ST6GALNAC3: variants seen among roughly 807,000 people sequenced by gnomAD.
ST6GALNAC3 encodes alpha-N-acetylgalactosaminide alpha-2,6-sialyltransferase 3.
A neutral mutation model predicts 32.7 loss-of-function variants in ST6GALNAC3; 25 were observed. The observed-to-expected ratio is 0.76, with a 90% confidence interval of 0.56 to 1.07. The LOEUF is 1.07. ST6GALNAC3 is among the 50% of genes least tolerant of loss of function. The pLI, the probability that ST6GALNAC3 is intolerant of heterozygous loss-of-function variation, is 0.00. For missense variants in ST6GALNAC3, 355 were observed against 382.4 expected (o/e 0.93, Z 0.60); for synonymous variants, 129 against 133.1 (o/e 0.97, Z 0.21).
At chr1:76,198,821 T>G (rs1352109219) in intron 1 of ST6GALNAC3, among the ~76,000 whole-genome samples, 1 of 152,152 alleles carries the variant, frequency 6.6e-6, no homozygotes, top group Non-Finnish European at 1.5e-5. Context: ...GAGTTCGGTT[T>G]CTGGAACTTA....
chr1:76,412,961 T>TC (rs1245169826), intron 3 of ST6GALNAC3: 1 of 348,108 alleles, frequency 2.9e-6, no homozygotes, highest in East Asian at 1.1e-4. Flanking sequence ...AAATTATACG[T>TC]CCCTTAAAAT....
At chr1:76,287,861 TG>T (rs1255276113) in intron 1 of ST6GALNAC3, among the ~76,000 whole-genome samples, 2 of 152,212 alleles carry the variant, frequency 1.3e-5, no homozygotes, top group African/African-American at 4.8e-5. Context: ...ACATTTAATT[TG>T]GGGTGAGAAT....
intron 3 of ST6GALNAC3, among the ~76,000 whole-genome samples, chr1:76,422,260 T>C (rs1477773317): frequency 6.6e-6 from 1 of 151,858 alleles, no homozygotes; most frequent in Non-Finnish European, 1.5e-5. Context: ...TTGCAAAAAG[T>C]TATCATGGGG....
chr1:76,615,193 A>C (rs1354153970), intron 3 of ST6GALNAC3, among the ~76,000 whole-genome samples: 1 of 152,130 alleles, frequency 6.6e-6, no homozygotes, highest in Non-Finnish European at 1.5e-5. Flanking sequence ...TGTCCAGTTC[A>C]TGAGGAATGA....
intron 1 of ST6GALNAC3, among the ~76,000 whole-genome samples, chr1:76,104,752 A>G (rs1647404762): frequency 6.6e-6 from 1 of 152,118 alleles, no homozygotes; most frequent in Non-Finnish European, 1.5e-5. Flanking sequence ...GGCAATTTAC[A>G]AAAGAAAAAG....
At chr1:76,099,929 CATT>C (rs1647190311) in intron 1 of ST6GALNAC3, among the ~76,000 whole-genome samples, 1 of 152,060 alleles carries the variant, frequency 6.6e-6, no homozygotes, top group African/African-American at 2.4e-5. Context: ...TCAATTCTCA[CATT>C]AATATTCTTT....
chr1:76,309,130 TC>T (rs750263330), intron 1 of ST6GALNAC3, among the ~76,000 whole-genome samples: 2 of 152,170 alleles, frequency 1.3e-5, no homozygotes, highest in Non-Finnish European at 2.9e-5. Flanking sequence ...TACTTACCCT[TC>T]CTCTGGCCTC....
intron 1 of ST6GALNAC3, among the ~76,000 whole-genome samples, chr1:76,162,961 G>A (rs949580124): frequency 3.3e-5 from 5 of 152,212 alleles, no homozygotes; most frequent in Non-Finnish European, 7.3e-5. Context: ...TCAGAGACCG[G>A]AGAGCATGCG....
At chr1:76,191,836 G>C (rs1337861991) in intron 1 of ST6GALNAC3, among the ~76,000 whole-genome samples, 2 of 151,918 alleles carry the variant, frequency 1.3e-5, no homozygotes, top group African/African-American at 4.8e-5. Context: ...ATGTAAATTA[G>C]CTTGTGTATT....
chr1:76,619,506 A>C (rs550714825), intron 3 of ST6GALNAC3, among the ~76,000 whole-genome samples: 2 of 152,244 alleles, frequency 1.3e-5, no homozygotes, highest in East Asian at 3.9e-4. Context: ...TGTTGTTTAC[A>C]TTTCATTCTC....
At chr1:76,086,597 T>A (rs1192363771) in intron 1 of ST6GALNAC3, among the ~76,000 whole-genome samples, 1 of 152,184 alleles carries the variant, frequency 6.6e-6, no homozygotes, top group African/African-American at 2.4e-5. Context: ...CCCTTCCCAA[T>A]ACAGGTGTTG....
At chr1:76,385,738 T>C (rs905908070) in intron 2 of ST6GALNAC3, among the ~76,000 whole-genome samples, 14 of 151,978 alleles carry the variant, frequency 9.2e-5, no homozygotes, top group Middle Eastern at 3.4e-3. Flanking sequence ...GAAGGGAAGA[T>C]ATTTTGGAAA....
At chr1:76,100,465 T>C (rs887944907) in intron 1 of ST6GALNAC3, among the ~76,000 whole-genome samples, 2 of 152,198 alleles carry the variant, frequency 1.3e-5, no homozygotes, top group African/African-American at 2.4e-5. Flanking sequence ...TATTTTCTGC[T>C]TAATTCTGCT....
At chr1:76,487,863 T>C (rs1340685323) in intron 3 of ST6GALNAC3, among the ~76,000 whole-genome samples, 1 of 152,190 alleles carries the variant, frequency 6.6e-6, no homozygotes, top group Non-Finnish European at 1.5e-5. Context: ...TGGTTTTGTC[T>C]ACCTTGGTCT....
At chr1:76,135,979 T>G (rs1005055745) in intron 1 of ST6GALNAC3, among the ~76,000 whole-genome samples, 1 of 152,234 alleles carries the variant, frequency 6.6e-6, no homozygotes, top group African/African-American at 2.4e-5. Context: ...CAGGCTTTTC[T>G]GCTCAGGATG....
intron 1 of ST6GALNAC3, among the ~76,000 whole-genome samples, chr1:76,243,562 C>T (rs1309329286): frequency 6.6e-6 from 1 of 152,132 alleles, no homozygotes; most frequent in Non-Finnish European, 1.5e-5. Context: ...CCTAGGTTTT[C>T]TTCTAGGTTT....
intron 1 of ST6GALNAC3, among the ~76,000 whole-genome samples, chr1:76,177,627 G>A (rs112512245): frequency 0.01 from 1,575 of 152,262 alleles, 28 homozygotes; most frequent in African/African-American, 0.036. Context: ...TTAAGACTCG[G>A]TGAATGTTTC....
At position 76,399,394 on chromosome 1, in the gene ST6GALNAC3, T is replaced by C. The variant is rs114493418; in HGVS notation, c.214-12614T>C. Among the ~76,000 whole-genome samples, 612 of 152,240 alleles carry C rather than the reference T, an allele frequency of 4.0e-3. 2 individuals carry two copies. Among genetic ancestry groups the C allele is most frequent in the African/African-American group, 0.014 (599 of 41,536 alleles). On this transcript the variant is annotated intron_variant, in intron 2 of 4. Coordinates refer to ENST00000328299, the MANE Select transcript of ST6GALNAC3 (RefSeq NM_152996.4). Reference sequence around the variant, plus strand: ...TCTAGATTCACCTTTTTCCATGAGGTTATTCAGTGTTTTTAAAAATGTCTC... The same window carrying C: ...TCTAGATTCACCTTTTTCCATGAGGCTATTCAGTGTTTTTAAAAATGTCTC...
chr1:76,454,962 T>C (rs2101570149), intron 3 of ST6GALNAC3, among the ~76,000 whole-genome samples: 1 of 152,218 alleles, frequency 6.6e-6, no homozygotes. Flanking sequence ...GTAACTACTG[T>C]TAGTTTTGTA....
Sources: allele counts gnomAD v4.1 joint callset (sites outside exome capture counted in the v4.1 genomes callset), GRCh38; gene constraint gnomAD v4.1.1; transcripts MANE v1.5; gene names NCBI Gene and HGNC (gene_info 2026-07-23, HGNC 2026-07-21).